Variants in CBFA2T2 observed in about 807,000 individuals in gnomAD.
CBFA2T2 encodes CBFA2/RUNX1 partner transcriptional co-repressor 2, also known as protein CBFA2T2.
In CBFA2T2, 11 loss-of-function variants were observed where a neutral mutation model predicts 62.2. The observed-to-expected ratio is 0.18, with a 90% CI of 0.11 to 0.29. CBFA2T2 has a LOEUF of 0.29. CBFA2T2 is among the 10% of genes least tolerant of loss of function. The pLI is 1.00. For missense variants in CBFA2T2, 592 were observed against 774.1 expected (o/e 0.76, Z 2.79); for synonymous variants, 295 against 287.5 (o/e 1.03, Z -0.27).
chr20:33,627,694 A>T (rs2016292967), intron 6 of CBFA2T2, among the ~76,000 whole-genome samples: 1 of 152,288 alleles, frequency 6.6e-6, no homozygotes, highest in African/African-American at 2.4e-5. Context: ...ATATATACTG[A>T]AATAAACAGA....
chr20:33,591,208 G>A (rs2146925883), intron 1 of CBFA2T2, among the ~76,000 whole-genome samples: 1 of 133,322 alleles, frequency 7.5e-6, no homozygotes, highest in African/African-American at 2.9e-5. Context: ...GAATAGCTGG[G>A]CATGGTGGCT....
chr20:33,559,319 A>G (rs2013016303), intron 1 of CBFA2T2, among the ~76,000 whole-genome samples: 1 of 151,700 alleles, frequency 6.6e-6, no homozygotes, highest in African/African-American at 2.4e-5. Flanking sequence ...AACTATAGGC[A>G]TGTGCCAGCA....
chr20:33,547,611 G>A (rs1165922456), intron 1 of CBFA2T2, among the ~76,000 whole-genome samples: 1 of 151,604 alleles, frequency 6.6e-6, no homozygotes, highest in Non-Finnish European at 1.5e-5. Flanking sequence ...AGGTGAGGAG[G>A]TCAAGACTGC....
At chr20:33,506,531 A>T (rs1235451094) in intron 1 of CBFA2T2, among the ~76,000 whole-genome samples, 1 of 152,220 alleles carries the variant, frequency 6.6e-6, no homozygotes, top group Non-Finnish European at 1.5e-5. Flanking sequence ...CTGCCAAGGT[A>T]GGTAAGATTC....
rs115828775 is a variant in CBFA2T2 at position 33,504,700 on chromosome 20, G to A, written c.34+14399G>A. On this transcript the variant is annotated intron_variant, in intron 1 of 10. Transcript: ENST00000342704. ...TTAAAGGTGTGAGCCACCACGCCCG[G>A]CCTATACTTAACTTTTTTGGAAACT... 5.4e-3 allele frequency among the ~76,000 whole-genome samples: 816 copies of A among 152,112 alleles called. 7 individuals are homozygous for A. Among genetic ancestry groups the A allele is most frequent in the African/African-American group, 0.019 (784 of 41,506 alleles).
chr20:33,537,319 C>T (rs916138887), intron 1 of CBFA2T2, among the ~76,000 whole-genome samples: 1 of 152,222 alleles, frequency 6.6e-6, no homozygotes, highest in African/African-American at 2.4e-5. Flanking sequence ...ACCCCGTCTC[C>T]ACCAAAAAAG....
chr20:33,508,996 T>C (rs2011455815), intron 1 of CBFA2T2, among the ~76,000 whole-genome samples: 1 of 152,208 alleles, frequency 6.6e-6, no homozygotes. Flanking sequence ...GCCAGATCAG[T>C]CGTTTACATG....
intron 1 of CBFA2T2, among the ~76,000 whole-genome samples, chr20:33,529,743 TTATATA>T (rs139769122): frequency 7.2e-3 from 29 of 4,036 alleles, no homozygotes; most frequent in African/African-American, 8.9e-3. Flanking sequence ...AAGAAAGCAG[TTATATA>T]TATATATATA....
intron 1 of CBFA2T2, among the ~76,000 whole-genome samples, chr20:33,552,042 T>G (rs1169732037): frequency 6.6e-6 from 1 of 152,050 alleles, no homozygotes; most frequent in Admixed American, 6.6e-5. Flanking sequence ...GTTTTAATTT[T>G]CAAGATCACT....
chr20:33,587,593 G>T (rs1366287409), intron 1 of CBFA2T2, among the ~76,000 whole-genome samples: 1 of 151,088 alleles, frequency 6.6e-6, no homozygotes, highest in East Asian at 2.0e-4. Context: ...TAGAGACAGG[G>T]TTTCACCATG....
intron 1 of CBFA2T2, among the ~76,000 whole-genome samples, chr20:33,583,388 A>G (rs2146916538): frequency 6.6e-6 from 1 of 152,332 alleles, no homozygotes; most frequent in South Asian, 2.1e-4. Flanking sequence ...CATTTTCTTT[A>G]TCTGGGTAGA....
chr20:33,578,588 A>G (rs1047753224), intron 1 of CBFA2T2, among the ~76,000 whole-genome samples: 16 of 152,196 alleles, frequency 1.1e-4, no homozygotes, highest in Non-Finnish European at 1.3e-4. Flanking sequence ...GCATACAGCT[A>G]TCATCCAAAG....
At chr20:33,629,696 G>T (rs1345036044) in intron 7 of CBFA2T2, 23 bp from the exon 8 acceptor site, 1 of 1,603,036 alleles carries the variant, frequency 6.2e-7, no homozygotes, top group Non-Finnish European at 8.5e-7. Flanking sequence ...TCTCATCTCT[G>T]CCTGGCCCCC....
At chr20:33,523,728 G>A (rs1415814344) in intron 1 of CBFA2T2, among the ~76,000 whole-genome samples, 2 of 151,778 alleles carry the variant, frequency 1.3e-5, no homozygotes, top group African/African-American at 4.8e-5. Flanking sequence ...CACCCTTGTC[G>A]CCCAGGCTGG....
At chr20:33,638,477 T>G (rs2016708239) in intron 9 of CBFA2T2, among the ~76,000 whole-genome samples, 1 of 152,164 alleles carries the variant, frequency 6.6e-6, no homozygotes, top group Non-Finnish European at 1.5e-5. Context: ...ATGCTTAAGC[T>G]GAGGGGATAA....
chr20:33,504,229 G>A (rs1317401800), intron 1 of CBFA2T2, among the ~76,000 whole-genome samples: 6 of 151,856 alleles, frequency 4.0e-5, no homozygotes, highest in Non-Finnish European at 2.9e-5. Flanking sequence ...TTATTGTTGA[G>A]TAACATGTTA....
intron 10 of CBFA2T2, among the ~76,000 whole-genome samples, chr20:33,642,414 C>T (rs547641247): frequency 3.3e-5 from 5 of 152,066 alleles, no homozygotes; most frequent in Admixed American, 6.5e-5. Context: ...CCAGCCTTGG[C>T]TAGATGGTGA....
chr20:33,579,455 T>C (rs939290804), intron 1 of CBFA2T2, among the ~76,000 whole-genome samples: 1 of 152,118 alleles, frequency 6.6e-6, no homozygotes, highest in Non-Finnish European at 1.5e-5. Flanking sequence ...ATTTTATGGT[T>C]TGTGCTTTTT....
At chr20:33,558,527 C>T (rs888967072) in intron 1 of CBFA2T2, among the ~76,000 whole-genome samples, 3 of 152,122 alleles carry the variant, frequency 2.0e-5, no homozygotes, top group Non-Finnish European at 4.4e-5. Flanking sequence ...ATAAAGTTTT[C>T]CACATTCTCG....
Sources: gnomAD v4.1 joint callset for allele counts (sites outside exome capture counted in the v4.1 genomes callset) on GRCh38, gnomAD v4.1.1 for gene constraint, MANE v1.5 for transcripts, NCBI Gene and HGNC (gene_info 2026-07-23, HGNC 2026-07-21) for gene names.